FRMD4A: variants seen among roughly 807,000 people sequenced by gnomAD.
FRMD4A encodes the protein FERM domain-containing protein 4A.
In FRMD4A, 29 loss-of-function variants were observed where a neutral mutation model predicts 129.1. That is an observed-to-expected ratio of 0.22 (90% CI 0.17 to 0.31). The LOEUF (loss-of-function observed/expected upper bound fraction) is 0.31. Ranked by LOEUF, FRMD4A falls within the 10% of genes least tolerant of loss-of-function variation. The pLI is 1.00. For missense variants in FRMD4A, 1,272 were observed against 1,375.8 expected, an observed-to-expected ratio of 0.92 and a Z score of 1.19; for synonymous variants, 634 against 571.6, an observed-to-expected ratio of 1.11 and a Z score of -1.56.
intron 2 of FRMD4A, among the ~76,000 whole-genome samples, chr10:14,120,885 T>C (rs1425246592): frequency 6.6e-6 from 1 of 152,222 alleles, no homozygotes; most frequent in Non-Finnish European, 1.5e-5. Flanking sequence ...CACATGGCAC[T>C]GAGGTGTGGG....
intron 8 of FRMD4A, among the ~76,000 whole-genome samples, chr10:13,760,578 G>A (rs1484911500): frequency 1.3e-5 from 2 of 152,016 alleles, no homozygotes; most frequent in Non-Finnish European, 2.9e-5. Flanking sequence ...TACATGGAGA[G>A]CAAGGAGAAA....
At chr10:13,950,934 T>C (rs2095366550) in intron 2 of FRMD4A, among the ~76,000 whole-genome samples, 1 of 152,162 alleles carries the variant, frequency 6.6e-6, no homozygotes, top group Admixed American at 6.5e-5. Context: ...AAGAACATAA[T>C]GCTGCTCAAA....
chr10:13,794,391 C>CAA (rs5783349), intron 5 of FRMD4A, among the ~76,000 whole-genome samples: 25,852 of 102,662 alleles, frequency 0.25, 3,406 homozygotes, highest in Non-Finnish European at 0.32. Flanking sequence ...GAATCCGTCT[C>CAA]AAAAAAAAAA....
chr10:13,732,060 G>A (rs888924743), intron 12 of FRMD4A, among the ~76,000 whole-genome samples: 1 of 152,130 alleles, frequency 6.6e-6, no homozygotes, highest in African/African-American at 2.4e-5. Flanking sequence ...AAGGCCAGGA[G>A]GCTGTCTCTT....
At chr10:13,747,707 G>T in intron 9 of FRMD4A, 29 bp downstream of exon 9, 3 of 1,227,452 alleles carry the variant, frequency 2.4e-6, no homozygotes, top group Non-Finnish European at 3.6e-6. Flanking sequence ...AGAGGGACTC[G>T]CTCCTGGGGA....
In FRMD4A at chr10:14,075,732, T is replaced by C. The variant is rs935140235; in HGVS notation, c.46-216820A>G. On this transcript the variant is annotated intron_variant, in intron 2 of 24. Transcript: ENST00000357447. ...GTATAGTATGTGTGTATACATATAGTGTGTGTGTATATTTTATATTTATAC... is the reference window on the plus strand; with the variant it reads ...GTATAGTATGTGTGTATACATATAGCGTGTGTGTATATTTTATATTTATAC... Among the ~76,000 whole-genome samples, 12 of 111,232 alleles carry C rather than the reference T, an allele frequency of 1.1e-4. No homozygotes were observed. The South Asian group carries it at 1.8e-3, about 16-fold the overall frequency. The allele number at this position is 111,232 out of a possible 152,430, so 73.0% of individuals were successfully genotyped here.
At chr10:14,062,354 G>A (rs1334158523) in intron 2 of FRMD4A, among the ~76,000 whole-genome samples, 2 of 152,210 alleles carry the variant, frequency 1.3e-5, no homozygotes, top group Non-Finnish European at 2.9e-5. Context: ...CTGCACGGAA[G>A]GCTATTCTCC....
intron 2 of FRMD4A, among the ~76,000 whole-genome samples, chr10:14,253,869 T>C (rs1844521112): frequency 6.6e-6 from 1 of 152,166 alleles, no homozygotes; most frequent in Non-Finnish European, 1.5e-5. Context: ...ATGTTGTAAT[T>C]TGGTTTATGA....
At chr10:13,780,321 T>C in intron 6 of FRMD4A, among the ~76,000 whole-genome samples, 1 of 74,778 alleles carries the variant, frequency 1.3e-5, no homozygotes, top group Non-Finnish European at 3.6e-5. Flanking sequence ...AGTGAGACTG[T>C]GTCTCAAAAA....
In FRMD4A at chr10:13,739,109, A is replaced by G. The variant is rs1485530368; in HGVS notation, c.672+1085T>C. 3.3e-5 allele frequency among the ~76,000 whole-genome samples: 5 copies of G among 152,166 alleles called. No homozygotes were observed. In the East Asian group the frequency reaches 9.6e-4, roughly 29 times the overall value. On this transcript the variant is annotated intron_variant, in intron 11 of 24. Transcript: ENST00000357447. ...CAACCCCATAGTGGGTGTCTGGAAA[A>G]CTTGAAACTGGCATCACGGTTTTGA...
intron 2 of FRMD4A, among the ~76,000 whole-genome samples, chr10:13,861,276 G>C (rs571551678): frequency 4.6e-5 from 7 of 152,146 alleles, no homozygotes; most frequent in African/African-American, 1.7e-4. Flanking sequence ...AACAAGAAAA[G>C]ATAGTCTCTT....
rs11258756 is a variant in FRMD4A, at chr10:13,965,190, C to T, written c.46-106278G>A. Among the ~76,000 whole-genome samples, 917 of 152,016 alleles carry T rather than the reference C, an allele frequency of 6.0e-3. 15 individuals are homozygous for T. The highest frequency in any genetic ancestry group is 0.02 in the African/African-American group (841 of 41,434). The stretch of plus-strand genomic sequence containing the variant: ...TGTAATCAAGTTACGGTGAGCTGCA[C>T]CAGCCTAGAAATGGCTTCCAGCAAG... On this transcript the variant is annotated intron_variant, in intron 2 of 24. Coordinates refer to ENST00000357447, the MANE Select transcript of FRMD4A (RefSeq NM_018027.5).
intron 12 of FRMD4A, chr10:13,707,417 C>G (rs1034554077): frequency 6.5e-6 from 7 of 1,076,646 alleles, no homozygotes; most frequent in Non-Finnish European, 7.9e-6. Flanking sequence ...TGGCAGTCCC[C>G]AGCTTGGCAG....
At position 13,645,222 on chromosome 10, in the gene FRMD4A, C is replaced by T. The variant is rs1031603704; in HGVS notation, c.*1816G>A. 2 of 152,104 alleles carry T rather than the reference C, an allele frequency of 1.3e-5. No individual in the cohort carries two copies. Among genetic ancestry groups the T allele is most frequent in the African/African-American group, 4.8e-5 (2 of 41,400 alleles). The allele number at this position is 152,104 out of a possible 1,614,324, so 9.4% of individuals were successfully genotyped here. A position where few individuals can be genotyped will look rare whatever the true frequency, so the allele number is the denominator to read the frequency against. On this transcript the variant is annotated 3_prime_UTR_variant, in exon 25 of 25. Coordinates refer to ENST00000357447, the MANE Select transcript of FRMD4A (RefSeq NM_018027.5). ...TCTTGGATTCCACATACATGAAAAG[C>T]GAAGATTTTTCTTTGTTTTTATGCT... is the stretch of plus-strand genomic sequence containing the variant.
intron 2 of FRMD4A, among the ~76,000 whole-genome samples, chr10:14,088,785 CA>C (rs58056105): frequency 0.042 from 3,114 of 73,722 alleles, 102 homozygotes; most frequent in African/African-American, 0.15. Flanking sequence ...GACTCTGTCT[CA>C]AAAAAAAAAA....
chr10:13,734,915 C>A (rs371668032), intron 12 of FRMD4A, among the ~76,000 whole-genome samples: 2 of 150,614 alleles, frequency 1.3e-5, no homozygotes, highest in South Asian at 4.2e-4. Flanking sequence ...GCTCTGTCAC[C>A]CAGGCTGGAG....
intron 2 of FRMD4A, among the ~76,000 whole-genome samples, chr10:13,865,237 G>A (rs1048447434): frequency 5.3e-5 from 8 of 152,114 alleles, no homozygotes; most frequent in African/African-American, 1.9e-4. Flanking sequence ...ATTAAGTAAT[G>A]TTTGGAAATT....
chr10:14,103,962 GAA>G (rs1941544862), intron 2 of FRMD4A, among the ~76,000 whole-genome samples: 1 of 152,206 alleles, frequency 6.6e-6, no homozygotes, highest in Admixed American at 6.5e-5. Context: ...CTACTAAGCT[GAA>G]GTCAACCAAC....
At chr10:14,103,083 G>T (rs1376433300) in intron 2 of FRMD4A, among the ~76,000 whole-genome samples, 1 of 152,136 alleles carries the variant, frequency 6.6e-6, no homozygotes, top group African/African-American at 2.4e-5. Context: ...CGTGGGTGTC[G>T]TTCCTATCTA....
Sources: gnomAD v4.1 joint callset for allele counts (sites outside exome capture counted in the v4.1 genomes callset) on GRCh38, gnomAD v4.1.1 for gene constraint, MANE v1.5 for transcripts, NCBI Gene and HGNC (gene_info 2026-07-23, HGNC 2026-07-21) for gene names.